GPC3: variants seen among roughly 807,000 people sequenced by gnomAD.
GPC3 encodes the protein glypican 3, also known as glypican-3.
In GPC3, 3 loss-of-function variants were observed where a neutral mutation model predicts 34.4. The ratio of observed to expected loss-of-function variants is 0.09; its 90% CI spans 0.04 to 0.23. The LOEUF is 0.23. Among genes scored for constraint, GPC3 ranks in the 10% least tolerant of loss-of-function variants. GPC3 has a pLI of 1.00. For missense variants in GPC3, 351 were observed against 445.6 expected (o/e 0.79, Z 1.91); for synonymous variants, 177 against 174.0 (o/e 1.02, Z -0.13).
chrX:133,583,202 C>T (rs1016043986), intron 7 of GPC3, among the ~76,000 whole-genome samples: 10 of 110,683 alleles, frequency 9.0e-5, no homozygotes, highest in African/African-American at 3.3e-4. Flanking sequence ...TTTGCTCCAC[C>T]ATATTGATTC....
At chrX:133,765,154 C>T (rs1273580514) in intron 2 of GPC3, among the ~76,000 whole-genome samples, 1 of 111,844 alleles carries the variant, frequency 8.9e-6, no homozygotes, top group Non-Finnish European at 1.9e-5. Flanking sequence ...AAAGGTCATT[C>T]TCCAAAGAGT....
chrX:133,631,413 G>A (rs1445734735), intron 6 of GPC3, among the ~76,000 whole-genome samples: 2 of 111,853 alleles, frequency 1.8e-5, no homozygotes, highest in Admixed American at 9.6e-5. Flanking sequence ...CATCCATGTT[G>A]TAGAATGTGA....
In GPC3 at chrX:133,692,502, A is replaced by G. The variant is rs182950534; in HGVS notation, c.1167-8T>C. On this transcript the variant is annotated splice_region_variant and splice_polypyrimidine_tract_variant and intron_variant, in intron 4 of 7. Transcript: ENST00000370818. ...AACTTCTGAATTAGTTCCCTAAAAG[A>G]AAAACAAAACATCTGTGCATAAGAG... 4.4e-3 allele frequency: 5,237 copies of G among 1,201,309 alleles called. 11 individuals carry two copies. Among genetic ancestry groups the G allele is most frequent in the Non-Finnish European group, 5.4e-3 (4,776 of 886,860 alleles).
intron 2 of GPC3, among the ~76,000 whole-genome samples, chrX:133,927,697 C>T (rs1001458809): frequency 2.8e-5 from 3 of 108,975 alleles, no homozygotes; most frequent in Admixed American, 9.9e-5. Context: ...AGGCTGGTCT[C>T]GAACTTCTGA....
At chrX:133,764,941 C>T (rs952670496) in intron 2 of GPC3, among the ~76,000 whole-genome samples, 1 of 111,512 alleles carries the variant, frequency 9.0e-6, no homozygotes, top group Non-Finnish European at 1.9e-5. Context: ...AACATTCTCA[C>T]GGCTAAGAAA....
At chrX:133,721,458 G>T (rs2071366387) in intron 3 of GPC3, among the ~76,000 whole-genome samples, 3 of 110,901 alleles carry the variant, frequency 2.7e-5, no homozygotes, top group African/African-American at 9.8e-5. Context: ...AGAAGAAATA[G>T]AAAATGAATA....
chrX:133,757,341 A>C (rs1313063304), intron 2 of GPC3, among the ~76,000 whole-genome samples: 1 of 111,401 alleles, frequency 9.0e-6, no homozygotes, highest in Non-Finnish European at 1.9e-5. Context: ...TCCTTAAATT[A>C]TGGTGTTCAA....
chrX:133,719,485 A>T (rs770075403), intron 3 of GPC3, among the ~76,000 whole-genome samples: 1 of 111,562 alleles, frequency 9.0e-6, no homozygotes, highest in Non-Finnish European at 1.9e-5. Flanking sequence ...GGCTGCATAA[A>T]TGTCTTCTTT....
chrX:133,692,330 C>T, intron 5 of GPC3, 39 bp downstream of exon 5: 1 of 1,170,718 alleles, frequency 8.5e-7, no homozygotes, highest in Admixed American at 2.2e-5. Context: ...GACAATTATT[C>T]CTCAAATATT....
At chrX:133,926,095 A>G (rs1665491225) in intron 2 of GPC3, among the ~76,000 whole-genome samples, 2 of 111,673 alleles carry the variant, frequency 1.8e-5, no homozygotes, top group African/African-American at 6.5e-5. Context: ...TGGTGTTTCT[A>G]AAGCTCCCTG....
intron 2 of GPC3, among the ~76,000 whole-genome samples, chrX:133,788,846 C>A (rs1340121510): frequency 3.7e-5 from 4 of 108,841 alleles, no homozygotes; most frequent in African/African-American, 1.3e-4. Flanking sequence ...GCACTCTAAG[C>A]ATGCAGACAC....
chrX:133,594,148 T>C (rs1398339847), intron 7 of GPC3, among the ~76,000 whole-genome samples: 1 of 111,153 alleles, frequency 9.0e-6, no homozygotes, highest in African/African-American at 3.3e-5. Flanking sequence ...CAGAATAAAT[T>C]ACAAAGAAAG....
chrX:133,624,233 A>T (rs1271746085), intron 6 of GPC3, among the ~76,000 whole-genome samples: 1 of 111,988 alleles, frequency 8.9e-6, no homozygotes, highest in Non-Finnish European at 1.9e-5. Flanking sequence ...ACACCCTAAC[A>T]TCACAATTAA....
chrX:133,605,219 AT>A (rs939584820), intron 6 of GPC3, among the ~76,000 whole-genome samples: 3 of 110,708 alleles, frequency 2.7e-5, no homozygotes, highest in African/African-American at 9.9e-5. Context: ...GAGCTTTGGA[AT>A]CTGACCAGCA....
chrX:133,563,279 G>A (rs2069554900), intron 7 of GPC3, among the ~76,000 whole-genome samples: 1 of 111,400 alleles, frequency 9.0e-6, no homozygotes, highest in African/African-American at 3.3e-5. Context: ...ACCCAGGCTG[G>A]AGTGTAGTGG....
intron 2 of GPC3, 29 bp downstream of exon 2, chrX:133,953,021 G>C: frequency 8.5e-7 from 1 of 1,169,981 alleles, no homozygotes. Context: ...CCACTAAGCA[G>C]CACATCTAAA....
intron 2 of GPC3, among the ~76,000 whole-genome samples, chrX:133,882,493 G>C (rs1205960982): frequency 9.0e-6 from 1 of 110,514 alleles, no homozygotes; most frequent in Admixed American, 9.7e-5. Flanking sequence ...CACAATTTTG[G>C]CTTGATTTCT....
intron 2 of GPC3, among the ~76,000 whole-genome samples, chrX:133,756,758 C>T (rs893443154): frequency 3.6e-5 from 4 of 112,636 alleles, no homozygotes; most frequent in African/African-American, 1.3e-4. Flanking sequence ...CTTTGAACCT[C>T]AAGCTCATAT....
intron 5 of GPC3, among the ~76,000 whole-genome samples, chrX:133,674,741 C>G (rs1428069417): frequency 1.8e-5 from 2 of 111,805 alleles, no homozygotes; most frequent in Non-Finnish European, 3.8e-5. Context: ...TATTCCTCCT[C>G]TCAGTGATAG....
Sources: gnomAD v4.1 joint callset for allele counts (sites outside exome capture counted in the v4.1 genomes callset) on GRCh38, gnomAD v4.1.1 for gene constraint, MANE v1.5 for transcripts, NCBI Gene and HGNC (gene_info 2026-07-23, HGNC 2026-07-21) for gene names.